Variants in CASQ2 observed in about 807,000 individuals in gnomAD.
The protein encoded by CASQ2 is calsequestrin 2.
In CASQ2, 49 loss-of-function variants were observed where a neutral mutation model predicts 46.5. The observed-to-expected ratio is 1.05, with a 90% CI of 0.84 to 1.34. The LOEUF (loss-of-function observed/expected upper bound fraction) is 1.34, where lower values mean the gene tolerates loss of function less well. Among genes scored for constraint, CASQ2 ranks in the 40% most tolerant of loss-of-function variants. CASQ2 has a pLI of 0.00. For missense variants in CASQ2, 486 were observed against 481.3 expected (o/e 1.01, Z -0.09); for synonymous variants, 174 against 168.5 (o/e 1.03, Z -0.25).
intron 1 of CASQ2, among the ~76,000 whole-genome samples, chr1:115,766,134 A>G (rs916783191): frequency 1.3e-5 from 2 of 152,194 alleles, no homozygotes; most frequent in African/African-American, 2.4e-5. Flanking sequence ...CTTCTCGGCC[A>G]TGCTGGTGTA....
At chr1:115,727,370 G>A (rs1358490457) in intron 5 of CASQ2, among the ~76,000 whole-genome samples, 14 of 152,174 alleles carry the variant, frequency 9.2e-5, no homozygotes, top group Admixed American at 9.2e-4. Context: ...TCGGGCAGGG[G>A]CAGGGAGCAG....
intron 1 of CASQ2, among the ~76,000 whole-genome samples, chr1:115,749,908 C>T (rs1267732295): frequency 2.6e-5 from 4 of 152,224 alleles, no homozygotes; most frequent in African/African-American, 7.2e-5. Context: ...TCATCTTTCA[C>T]CCCATTCTCC....
rs144904007 is a variant in CASQ2 at position 115,725,092 on chromosome 1, T to C, written c.783+416A>G. Among the ~76,000 whole-genome samples the C allele has an allele frequency of 3.3e-5, 5 of 152,156 alleles. No homozygotes were observed. In the East Asian group the frequency reaches 9.7e-4, roughly 29 times the overall value. The stretch of plus-strand genomic sequence containing the variant: ...GTTTTGTTTCATTTTTTTGAAACAG[T>C]GTCTCACTCTGTTGCCCAGGCTGGA... On this transcript the variant is annotated intron_variant, in intron 7 of 10. Coordinates refer to ENST00000261448, the MANE Select transcript of CASQ2 (RefSeq NM_001232.4).
chr1:115,727,930 T>C (rs923925861), intron 5 of CASQ2, among the ~76,000 whole-genome samples: 1 of 152,240 alleles, frequency 6.6e-6, no homozygotes, highest in Admixed American at 6.5e-5. Flanking sequence ...GGCAGAATGG[T>C]TGCTGTTTGC....
intron 2 of CASQ2, among the ~76,000 whole-genome samples, chr1:115,742,055 GT>G (rs1163150398): frequency 6.6e-6 from 1 of 152,040 alleles, no homozygotes; most frequent in Non-Finnish European, 1.5e-5. Flanking sequence ...CTTTTTGTTT[GT>G]TTGTTTTTTG....
chr1:115,754,829 G>A (rs893358267), intron 1 of CASQ2, among the ~76,000 whole-genome samples: 5 of 152,200 alleles, frequency 3.3e-5, no homozygotes, highest in East Asian at 3.9e-4. Flanking sequence ...ATACAAGTAC[G>A]TAGTGAAAGT....
rs140895213 is a variant in CASQ2 at position 115,722,245 on chromosome 1, G to T, written c.783+3263C>A. On this transcript the variant is annotated intron_variant, in intron 7 of 10. Transcript: ENST00000261448. ...TTCTCTGCCTGGTTAAATTCAATAC[G>T]CTGCTCTCTTCCCCAAGTTAAGAAC... Among the ~76,000 whole-genome samples, 127 of 152,232 alleles carry T rather than the reference G, an allele frequency of 8.3e-4. 1 individual carries two copies. In the Middle Eastern group the frequency reaches 0.017, roughly 20 times the overall value.
intron 2 of CASQ2, among the ~76,000 whole-genome samples, chr1:115,743,197 G>A (rs12239776): frequency 0.12 from 4,386 of 36,462 alleles, 239 homozygotes; most frequent in African/African-American, 0.16. Context: ...CTTTATTTTT[G>A]TTTATTTATT....
At chr1:115,712,919 A>G (rs1654595096) in intron 8 of CASQ2, among the ~76,000 whole-genome samples, 1 of 152,142 alleles carries the variant, frequency 6.6e-6, no homozygotes, top group Non-Finnish European at 1.5e-5. Context: ...ACTTAAAATC[A>G]AAAGCTCAAG....
At chr1:115,757,240 A>G (rs1268516259) in intron 1 of CASQ2, among the ~76,000 whole-genome samples, 1 of 152,170 alleles carries the variant, frequency 6.6e-6, no homozygotes, top group Admixed American at 6.5e-5. Context: ...GTCTCACTCC[A>G]AGGATCCCCT....
At chr1:115,712,865 A>AG (rs952674653) in intron 8 of CASQ2, among the ~76,000 whole-genome samples, 7 of 148,464 alleles carry the variant, frequency 4.7e-5, no homozygotes, top group East Asian at 2.0e-4. Context: ...AAAAAAAAAA[A>AG]AAAGAAAGAA....
chr1:115,725,447 G>T, intron 7 of CASQ2, 61 bp downstream of exon 7: 2 of 1,576,246 alleles, frequency 1.3e-6, no homozygotes, highest in Non-Finnish European at 1.7e-6. Context: ...AATCTAAGAA[G>T]CACTCCTCTT....
chr1:115,767,125 T>C (rs543293850), intron 1 of CASQ2, among the ~76,000 whole-genome samples: 1 of 152,232 alleles, frequency 6.6e-6, no homozygotes, highest in South Asian at 2.1e-4. Context: ...GAGATGGAGA[T>C]ATAATGTAAG....
chr1:115,727,652 C>T (rs758304112), intron 5 of CASQ2, among the ~76,000 whole-genome samples: 1 of 152,140 alleles, frequency 6.6e-6, no homozygotes, highest in African/African-American at 2.4e-5. Flanking sequence ...AGTTAAATCT[C>T]TCAGTACCCA....
chr1:115,746,566 A>AT (rs1557800678), intron 1 of CASQ2, among the ~76,000 whole-genome samples: 6 of 152,062 alleles, frequency 3.9e-5, no homozygotes. Flanking sequence ...TTTAATTTGC[A>AT]TTTTCCTAAT....
intron 5 of CASQ2, among the ~76,000 whole-genome samples, chr1:115,730,385 T>C (rs1207117261): frequency 3.3e-5 from 5 of 152,220 alleles, no homozygotes; most frequent in Non-Finnish European, 5.9e-5. Flanking sequence ...CCATCTTCTC[T>C]TTCCCACAAT....
intron 8 of CASQ2, among the ~76,000 whole-genome samples, chr1:115,716,421 A>C (rs1032423710): frequency 8.5e-5 from 13 of 152,164 alleles, no homozygotes; most frequent in African/African-American, 3.1e-4. Context: ...TTTCCTAAGC[A>C]CAGACAATAT....
chr1:115,759,458 A>ATTGCTTT (rs1648868487), intron 1 of CASQ2, among the ~76,000 whole-genome samples: 1 of 151,990 alleles, frequency 6.6e-6, no homozygotes, highest in Admixed American at 6.6e-5. Flanking sequence ...CCACTCCTCT[A>ATTGCTTT]TTGCTTTCTG....
chr1:115,766,916 TAGAA>T (rs1397171211), intron 1 of CASQ2, among the ~76,000 whole-genome samples: 2 of 144,322 alleles, frequency 1.4e-5, no homozygotes, highest in African/African-American at 5.0e-5. Context: ...GATAGATAGA[TAGAA>T]GGATGATAGA....
Sources: gnomAD v4.1 joint callset for allele counts (sites outside exome capture counted in the v4.1 genomes callset) on GRCh38, gnomAD v4.1.1 for gene constraint, MANE v1.5 for transcripts, NCBI Gene and HGNC (gene_info 2026-07-23, HGNC 2026-07-21) for gene names.